The following MMP16 variants were observed in gnomAD, a reference collection of about 807,000 sequenced individuals.
MMP16 encodes matrix metalloproteinase-16.
MMP16 carries 12 observed loss-of-function variants against 67.8 expected under a neutral mutation model. That is an observed-to-expected ratio of 0.18 (90% CI 0.11 to 0.29). The LOEUF (loss-of-function observed/expected upper bound fraction) is 0.29, where lower values mean the gene tolerates loss of function less well. Among genes scored for constraint, MMP16 ranks in the 10% least tolerant of loss-of-function variants. The pLI, the probability that MMP16 is intolerant of heterozygous loss-of-function variation, is 1.00. For missense variants in MMP16, 475 were observed against 765.7 expected (o/e 0.62, Z 4.48); for synonymous variants, 249 against 255.9 (o/e 0.97, Z 0.26).
chr8:88,079,276 T>C (rs542773806), intron 6 of MMP16, among the ~76,000 whole-genome samples: 51 of 152,276 alleles, frequency 3.3e-4, no homozygotes, highest in Non-Finnish European at 6.0e-4. Flanking sequence ...CAAAAATAGA[T>C]AAGTCCAGCA....
At chr8:88,136,061 A>T (rs1357708000) in intron 4 of MMP16, among the ~76,000 whole-genome samples, 1 of 151,946 alleles carries the variant, frequency 6.6e-6, no homozygotes, top group East Asian at 1.9e-4. Context: ...ATCTTGAAGA[A>T]GAGTAACTCG....
chr8:88,178,434 T>C (rs146816598), intron 3 of MMP16, among the ~76,000 whole-genome samples: 2 of 152,298 alleles, frequency 1.3e-5, no homozygotes, highest in African/African-American at 4.8e-5. Context: ...AGATTAAACA[T>C]GGCAAAGGAA....
At chr8:88,253,725 T>C (rs1586228384) in intron 1 of MMP16, among the ~76,000 whole-genome samples, 3 of 152,120 alleles carry the variant, frequency 2.0e-5, no homozygotes, top group South Asian at 2.1e-4. Flanking sequence ...AAACCTGATA[T>C]AGCAATCAGT....
At chr8:88,045,403 C>T (rs776508394) in intron 9 of MMP16, among the ~76,000 whole-genome samples, 1 of 152,010 alleles carries the variant, frequency 6.6e-6, no homozygotes, top group Non-Finnish European at 1.5e-5. Flanking sequence ...CAGAGACTGG[C>T]TCTGTCACCC....
intron 4 of MMP16, among the ~76,000 whole-genome samples, chr8:88,151,385 T>C (rs947118577): frequency 6.7e-6 from 1 of 149,944 alleles, no homozygotes; most frequent in African/African-American, 2.4e-5. Flanking sequence ...TACAGAACTC[T>C]CCACCCCAAA....
intron 1 of MMP16, among the ~76,000 whole-genome samples, chr8:88,272,108 A>T (rs995079872): frequency 1.3e-5 from 2 of 152,126 alleles, no homozygotes; most frequent in African/African-American, 2.4e-5. Context: ...TTAAATGTGC[A>T]TGTCCATGAA....
At chr8:88,118,557 A>G (rs1586160490) in intron 5 of MMP16, 143 bp downstream of exon 5, 2 of 680,596 alleles carry the variant, frequency 2.9e-6, no homozygotes, top group East Asian at 5.5e-5. Flanking sequence ...CAGTTGATAG[A>G]ATAATTTTGC....
chr8:88,136,363 C>T (rs1808119045), intron 4 of MMP16, among the ~76,000 whole-genome samples: 1 of 151,768 alleles, frequency 6.6e-6, no homozygotes, highest in Non-Finnish European at 1.5e-5. Context: ...TCAATTTAAT[C>T]AAATTAAAAA....
intron 6 of MMP16, among the ~76,000 whole-genome samples, chr8:88,076,187 T>C (rs1808648427): frequency 6.6e-6 from 1 of 152,152 alleles, no homozygotes; most frequent in Non-Finnish European, 1.5e-5. Context: ...GCAATTCTTG[T>C]TCTGTCGCCT....
At chr8:88,181,810 T>G (rs1010453727) in intron 3 of MMP16, among the ~76,000 whole-genome samples, 2 of 151,974 alleles carry the variant, frequency 1.3e-5, no homozygotes, top group Admixed American at 1.3e-4. Flanking sequence ...GATATTGGAT[T>G]AATAACAAAT....
At chr8:88,319,235 T>C (rs1022434265) in intron 1 of MMP16, among the ~76,000 whole-genome samples, 1 of 152,152 alleles carries the variant, frequency 6.6e-6, no homozygotes, top group Non-Finnish European at 1.5e-5. Context: ...AGTCATATCT[T>C]AGTAGTGCTC....
At chr8:88,044,170 T>C (rs1808169929) in intron 9 of MMP16, among the ~76,000 whole-genome samples, 1 of 152,130 alleles carries the variant, frequency 6.6e-6, no homozygotes, top group Admixed American at 6.6e-5. Context: ...TCTAGGCTTG[T>C]TGTGGAGGCT....
chr8:88,049,166 C>T (rs374448783), intron 8 of MMP16, among the ~76,000 whole-genome samples: 19 of 152,162 alleles, frequency 1.2e-4, no homozygotes, highest in African/African-American at 4.6e-4. Context: ...TCAGAAATAG[C>T]TTCATGGAGA....
At chr8:88,316,622 C>T (rs1811378982) in intron 1 of MMP16, among the ~76,000 whole-genome samples, 1 of 152,176 alleles carries the variant, frequency 6.6e-6, no homozygotes, top group African/African-American at 2.4e-5. Context: ...GACAACATAT[C>T]TGGTCACCCA....
chr8:88,046,072 A>G (rs754267510), intron 9 of MMP16, among the ~76,000 whole-genome samples: 9 of 152,176 alleles, frequency 5.9e-5, no homozygotes, highest in Non-Finnish European at 1.3e-4. Flanking sequence ...GGGAGTATGG[A>G]TTATCCCCAG....
intron 1 of MMP16, among the ~76,000 whole-genome samples, chr8:88,325,328 C>G (rs1811519796): frequency 1.3e-5 from 2 of 152,044 alleles, no homozygotes; most frequent in Admixed American, 6.6e-5. Flanking sequence ...TCATGTTATC[C>G]TAACCTCTGA....
At chr8:88,134,577 G>A (rs1374729556) in intron 4 of MMP16, among the ~76,000 whole-genome samples, 1 of 151,382 alleles carries the variant, frequency 6.6e-6, no homozygotes, top group African/African-American at 2.4e-5. Context: ...ATTTATGAAT[G>A]TCTAAATAAT....
chr8:88,144,779 A>G (rs1039521704), intron 4 of MMP16, among the ~76,000 whole-genome samples: 7 of 152,124 alleles, frequency 4.6e-5, no homozygotes, highest in African/African-American at 1.2e-4. Context: ...ATGAATGAGC[A>G]AATTTAAAAT....
rs1025422455 is a variant in MMP16, at chr8:88,083,912, A to C, written c.1084-9169T>G. On this transcript the variant is annotated intron_variant, in intron 6 of 9. Transcript: ENST00000286614. ...GCAAAGTAAGCAAAGAACAAAACAA[A>C]AATTTTCATGTTGTGGTAACTGCAG... Among the ~76,000 whole-genome samples, 10 of 152,180 alleles carry C rather than the reference A, an allele frequency of 6.6e-5. No homozygotes were observed. In the South Asian group the frequency reaches 1.5e-3, roughly 22 times the overall value.
Sources: gnomAD v4.1 joint callset for allele counts (sites outside exome capture counted in the v4.1 genomes callset) on GRCh38, gnomAD v4.1.1 for gene constraint, MANE v1.5 for transcripts, NCBI Gene and HGNC (gene_info 2026-07-23, HGNC 2026-07-21) for gene names.